Variants in EML5 observed in about 807,000 individuals in gnomAD.
The protein encoded by EML5 is echinoderm microtubule-associated protein-like 5.
A neutral mutation model predicts 250.0 loss-of-function variants in EML5; 120 were observed. The observed-to-expected ratio is 0.48, with a 90% CI of 0.41 to 0.56. The LOEUF is 0.56. Ranked by LOEUF, EML5 falls within the 20% of genes least tolerant of loss-of-function variation. EML5 has a pLI of 0.00. For missense variants in EML5, 2,006 were observed against 2,437.6 expected (o/e 0.82, Z 3.73); for synonymous variants, 771 against 806.5 (o/e 0.96, Z 0.75).
At chr14:88,637,451 A>C (rs2090804046) in intron 32 of EML5, among the ~76,000 whole-genome samples, 1 of 152,224 alleles carries the variant, frequency 6.6e-6, no homozygotes, top group South Asian at 2.1e-4. Flanking sequence ...CCACAGCACT[A>C]AAATGATAAA....
At chr14:88,641,135 A>T (rs2091040315) in intron 31 of EML5, among the ~76,000 whole-genome samples, 1 of 152,118 alleles carries the variant, frequency 6.6e-6, no homozygotes, top group East Asian at 1.9e-4. Context: ...AAACCTATCA[A>T]AAAGCCCTGG....
At chr14:88,781,320 C>CA (rs1395352016) in intron 1 of EML5, among the ~76,000 whole-genome samples, 3 of 152,176 alleles carry the variant, frequency 2.0e-5, no homozygotes, top group Non-Finnish European at 4.4e-5. Flanking sequence ...TTTCACAGTT[C>CA]TTCACACTTA....
intron 9 of EML5, among the ~76,000 whole-genome samples, chr14:88,713,988 C>T (rs969824918): frequency 2.0e-5 from 3 of 151,770 alleles, no homozygotes; most frequent in African/African-American, 7.3e-5. Flanking sequence ...CAGGTGCATA[C>T]CACCATGCCT....
intron 1 of EML5, among the ~76,000 whole-genome samples, chr14:88,783,858 A>T (rs538370254): frequency 6.6e-6 from 1 of 152,366 alleles, no homozygotes; most frequent in African/African-American, 2.4e-5. Flanking sequence ...TACAGAATGC[A>T]CATTTTTTTC....
At chr14:88,631,743 C>A (rs1041066965) in intron 33 of EML5, among the ~76,000 whole-genome samples, 2 of 152,084 alleles carry the variant, frequency 1.3e-5, no homozygotes, top group Admixed American at 6.6e-5. Flanking sequence ...GCACTCCAGC[C>A]TGGGCAACAA....
chr14:88,671,944 A>G (rs1306023506), intron 21 of EML5, among the ~76,000 whole-genome samples: 3 of 152,184 alleles, frequency 2.0e-5, no homozygotes, highest in Non-Finnish European at 2.9e-5. Context: ...AAACTCCCAC[A>G]TAATAATAGT....
chr14:88,674,534 T>C (rs950813703), intron 21 of EML5, among the ~76,000 whole-genome samples: 1 of 152,072 alleles, frequency 6.6e-6, no homozygotes, highest in Non-Finnish European at 1.5e-5. Flanking sequence ...CCCGCCCCCA[T>C]GATTCAATTA....
At chr14:88,669,964 G>A (rs1246041691) in intron 21 of EML5, among the ~76,000 whole-genome samples, 1 of 152,092 alleles carries the variant, frequency 6.6e-6, no homozygotes, top group Non-Finnish European at 1.5e-5. Context: ...AGGCAAAGAA[G>A]GTCTGGAGTG....
chr14:88,712,835 G>A (rs997587107), intron 9 of EML5, among the ~76,000 whole-genome samples: 8 of 151,998 alleles, frequency 5.3e-5, no homozygotes, highest in African/African-American at 1.2e-4. Flanking sequence ...ATGAGAAAGT[G>A]GCAAATCAGG....
chr14:88,739,049 A>G (rs968880710), intron 5 of EML5, 35 bp from the exon 6 acceptor site: 3 of 1,560,064 alleles, frequency 1.9e-6, no homozygotes, highest in South Asian at 1.2e-5. Flanking sequence ...AACGACAAAT[A>G]TTTTTTAAGA....
chr14:88,713,844 T>G (rs1374937833), intron 9 of EML5, among the ~76,000 whole-genome samples: 1 of 150,878 alleles, frequency 6.6e-6, no homozygotes, highest in Non-Finnish European at 1.5e-5. Flanking sequence ...TTATTTGTTT[T>G]TTTTTTTTTT....
chr14:88,704,477 G>A (rs1226580199), intron 13 of EML5, among the ~76,000 whole-genome samples: 1 of 151,998 alleles, frequency 6.6e-6, no homozygotes, highest in Non-Finnish European at 1.5e-5. Flanking sequence ...GACTAACACA[G>A]TACTATTATC....
At chr14:88,726,897 G>A (rs999794033) in intron 7 of EML5, among the ~76,000 whole-genome samples, 1 of 152,064 alleles carries the variant, frequency 6.6e-6, no homozygotes, top group Non-Finnish European at 1.5e-5. Flanking sequence ...GCGACATCAC[G>A]TCACTCTGTC....
chr14:88,749,294 C>T (rs1292566666), intron 2 of EML5, among the ~76,000 whole-genome samples: 1 of 152,126 alleles, frequency 6.6e-6, no homozygotes, highest in South Asian at 2.1e-4. Flanking sequence ...GTTTAAAGTG[C>T]TGAGGCAGAA....
chr14:88,705,263 A>G (rs986201863), intron 12 of EML5, among the ~76,000 whole-genome samples: 1 of 152,118 alleles, frequency 6.6e-6, no homozygotes, highest in Non-Finnish European at 1.5e-5. Flanking sequence ...ACAAAATCCT[A>G]TAGGCAAATA....
chr14:88,772,128 C>T (rs997269733), intron 1 of EML5, among the ~76,000 whole-genome samples: 1 of 152,206 alleles, frequency 6.6e-6, no homozygotes, highest in Non-Finnish European at 1.5e-5. Context: ...ATTGCTCAGA[C>T]CAAGAAGCTA....
chr14:88,736,612 T>C (rs775924775), intron 6 of EML5, 47 bp from the exon 7 acceptor site: 5 of 1,573,460 alleles, frequency 3.2e-6, no homozygotes, highest in Admixed American at 1.7e-5. Context: ...GTAATAATGA[T>C]AGCAGCAGGA....
chr14:88,648,364 A>AT (rs1375137605), intron 28 of EML5, among the ~76,000 whole-genome samples: 1 of 151,894 alleles, frequency 6.6e-6, no homozygotes, highest in Non-Finnish European at 1.5e-5. Flanking sequence ...TAATTATTAT[A>AT]TTTTTTTGAG....
chr14:88,634,175 G>A (rs893020861), intron 33 of EML5, among the ~76,000 whole-genome samples: 2 of 152,040 alleles, frequency 1.3e-5, no homozygotes, highest in Non-Finnish European at 2.9e-5. Context: ...AGATCTGCTC[G>A]TTTAAACGTG....
Sources: gnomAD v4.1 joint callset for allele counts (sites outside exome capture counted in the v4.1 genomes callset) on GRCh38, gnomAD v4.1.1 for gene constraint, MANE v1.5 for transcripts, NCBI Gene and HGNC (gene_info 2026-07-23, HGNC 2026-07-21) for gene names.